Variants in MYO1E observed in about 807,000 individuals in gnomAD.
MYO1E encodes unconventional myosin-Ie.
Under a neutral mutation model 151.1 loss-of-function variants are expected in MYO1E, and 68 were observed. That is an observed-to-expected ratio of 0.45 (90% CI 0.37 to 0.55). The LOEUF (loss-of-function observed/expected upper bound fraction) is 0.55. MYO1E is among the 20% of genes least tolerant of loss of function. The probability of loss-of-function intolerance (pLI) is 0.00; values close to 1 mark genes in which losing one functional copy is unlikely to be tolerated. For missense variants in MYO1E, 1,363 were observed against 1,389.3 expected, an observed-to-expected ratio of 0.98 and a Z score of 0.30; for synonymous variants, 601 against 501.7, an observed-to-expected ratio of 1.20 and a Z score of -2.64.
chr15:59,319,000 G>A (rs1044271384), intron 1 of MYO1E, among the ~76,000 whole-genome samples: 3 of 152,172 alleles, frequency 2.0e-5, no homozygotes, highest in South Asian at 2.1e-4. Context: ...GTATGAATGG[G>A]TAAGTGTCAT....
chr15:59,353,773 CAAAG>C (rs2080838483), intron 1 of MYO1E, among the ~76,000 whole-genome samples: 1 of 145,416 alleles, frequency 6.9e-6, no homozygotes, highest in Admixed American at 6.7e-5. Flanking sequence ...AAAAAAAAAA[CAAAG>C]AAAGAAAAAA....
At chr15:59,221,677 T>A (rs1428600821) in intron 9 of MYO1E, among the ~76,000 whole-genome samples, 5 of 152,094 alleles carry the variant, frequency 3.3e-5, no homozygotes. Context: ...GGGAATTTCA[T>A]GGGCAGTTGC....
At chr15:59,232,452 A>T (rs1445465333) in intron 5 of MYO1E, among the ~76,000 whole-genome samples, 1 of 152,190 alleles carries the variant, frequency 6.6e-6, no homozygotes, top group Non-Finnish European at 1.5e-5. Context: ...TCAACAGTGG[A>T]TCGTGTGGAA....
intron 19 of MYO1E, among the ~76,000 whole-genome samples, chr15:59,176,755 C>A (rs764530263): frequency 1.3e-5 from 2 of 152,136 alleles, no homozygotes; most frequent in African/African-American, 2.4e-5. Flanking sequence ...CTGTGCCCAG[C>A]CAGATTTTAA....
intron 23 of MYO1E, among the ~76,000 whole-genome samples, chr15:59,161,837 A>G (rs1330250018): frequency 6.6e-6 from 1 of 152,218 alleles, no homozygotes; most frequent in African/African-American, 2.4e-5. Flanking sequence ...ATATGCCTGT[A>G]TTATGCAATC....
chr15:59,276,379 C>T (rs17236530), intron 1 of MYO1E, among the ~76,000 whole-genome samples: 25,610 of 152,162 alleles, frequency 0.17, 2,577 homozygotes, highest in East Asian at 0.49. Flanking sequence ...TTGCATTTTA[C>T]AGCAGCTCCT....
intron 7 of MYO1E, 146 bp from the exon 8 acceptor site, chr15:59,224,969 G>A: frequency 9.4e-7 from 1 of 1,066,824 alleles, no homozygotes; most frequent in Non-Finnish European, 1.4e-6. Flanking sequence ...ATATGTACTT[G>A]TAGTAGCCCC....
At chr15:59,282,758 G>A (rs2140390289) in intron 1 of MYO1E, among the ~76,000 whole-genome samples, 1 of 149,192 alleles carries the variant, frequency 6.7e-6, no homozygotes, top group East Asian at 2.0e-4. Context: ...GGAGGCAGGA[G>A]GATCGCTTAA....
At chr15:59,265,911 G>A (rs763068449) in intron 2 of MYO1E, among the ~76,000 whole-genome samples, 1 of 150,958 alleles carries the variant, frequency 6.6e-6, no homozygotes, top group African/African-American at 2.4e-5. Context: ...AGGCTGCAGC[G>A]AACTGTGATC....
At chr15:59,203,742 G>A (rs923444043) in intron 15 of MYO1E, among the ~76,000 whole-genome samples, 1 of 152,162 alleles carries the variant, frequency 6.6e-6, no homozygotes, top group Non-Finnish European at 1.5e-5. Context: ...CTAGCAACAG[G>A]GCAGGGACAA....
At chr15:59,199,704 T>C (rs187798653) in intron 16 of MYO1E, among the ~76,000 whole-genome samples, 9 of 152,336 alleles carry the variant, frequency 5.9e-5, no homozygotes, top group Non-Finnish European at 1.5e-5. Flanking sequence ...AATTAGAATA[T>C]AATGAAATCT....
chr15:59,231,813 A>G, intron 5 of MYO1E, 22 bp from the exon 6 acceptor site: 1 of 1,612,274 alleles, frequency 6.2e-7, no homozygotes, highest in Non-Finnish European at 8.5e-7. Flanking sequence ...AATAGACCGG[A>G]GGTTAGGAAG....
rs1020560449 is a variant in MYO1E, at chr15:59,197,529, G to A, written c.1699-1962C>T. ...TTTACGCCTCACAACAACCTGAAGA[G>A]GTGGCTACTATTTAATATTATTCCT... On this transcript the variant is annotated intron_variant, in intron 16 of 27. Transcript: ENST00000288235. 2.6e-5 allele frequency among the ~76,000 whole-genome samples: 4 copies of A among 152,178 alleles called. 1 individual carries two copies. Among genetic ancestry groups the A allele is most frequent in the Admixed American group, 6.5e-5 (1 of 15,290 alleles).
At chr15:59,371,785 G>A (rs2080946500) in intron 1 of MYO1E, among the ~76,000 whole-genome samples, 1 of 152,158 alleles carries the variant, frequency 6.6e-6, no homozygotes, top group Non-Finnish European at 1.5e-5. Context: ...GGCGTCCGGG[G>A]CGCGGAGACC....
chr15:59,318,582 T>A (rs941029891), intron 1 of MYO1E, among the ~76,000 whole-genome samples: 2 of 152,200 alleles, frequency 1.3e-5, no homozygotes, highest in African/African-American at 4.8e-5. Context: ...AAGACTTGCA[T>A]TGCCAGTCAT....
chr15:59,298,816 G>A (rs1447343088), intron 1 of MYO1E, among the ~76,000 whole-genome samples: 3 of 152,188 alleles, frequency 2.0e-5, no homozygotes, highest in Non-Finnish European at 4.4e-5. Context: ...TCACAAAGAG[G>A]AAAGTTCTTC....
At chr15:59,296,710 C>G (rs1346708836) in intron 1 of MYO1E, among the ~76,000 whole-genome samples, 1 of 152,056 alleles carries the variant, frequency 6.6e-6, no homozygotes, top group East Asian at 1.9e-4. Flanking sequence ...CAGAGTAAAG[C>G]AGACAACTGG....
chr15:59,220,503 A>G (rs2079947768), intron 9 of MYO1E, among the ~76,000 whole-genome samples: 1 of 152,136 alleles, frequency 6.6e-6, no homozygotes, highest in Admixed American at 6.5e-5. Context: ...ATTAATGGCT[A>G]TTTTGCTTTA....
At chr15:59,162,590 G>A (rs1401464916) in intron 23 of MYO1E, among the ~76,000 whole-genome samples, 1 of 150,158 alleles carries the variant, frequency 6.7e-6, no homozygotes, top group Non-Finnish European at 1.5e-5. Context: ...AGGTTGCAGT[G>A]AGCCAAGGTC....
Sources: gnomAD v4.1 joint callset for allele counts (sites outside exome capture counted in the v4.1 genomes callset) on GRCh38, gnomAD v4.1.1 for gene constraint, MANE v1.5 for transcripts, NCBI Gene and HGNC (gene_info 2026-07-23, HGNC 2026-07-21) for gene names.